BLVRA: variants seen among roughly 807,000 people sequenced by gnomAD.
BLVRA encodes the protein biliverdin reductase A, also known as BVR A.
Under a neutral mutation model 32.8 loss-of-function variants are expected in BLVRA, and 22 were observed. That is an observed-to-expected ratio of 0.67 (90% confidence interval 0.48 to 0.96). The LOEUF (loss-of-function observed/expected upper bound fraction) is 0.96. Ranked by LOEUF, BLVRA falls within the 40% of genes least tolerant of loss-of-function variation. BLVRA has a pLI of 0.00. For missense variants in BLVRA, 323 were observed against 358.1 expected, an observed-to-expected ratio of 0.90 and a Z score of 0.79; for synonymous variants, 119 against 141.3, an observed-to-expected ratio of 0.84 and a Z score of 1.12.
rs1203952720 is a variant in BLVRA, at chr7:43,807,107, C to T, written c.763C>T (p.Gln255Ter). 6.2e-7 allele frequency: 1 copy of T among 1,614,122 alleles called. No homozygotes were observed. Among genetic ancestry groups the T allele is most frequent in the East Asian group, 2.2e-5 (1 of 44,880 alleles). The change falls in exon 8 of 8, where the codon CAA (glutamine) becomes TAA (stop). Residue 255 changes from glutamine to a stop codon, truncating the protein, a stop_gained. Coordinates refer to ENST00000265523, the MANE Select transcript of BLVRA (RefSeq NM_000712.4). LOFTEE classifies it high-confidence loss of function. ...GAATAAGAACATATTTCTGAAAGAT[C>T]AAAATATATTTGTCCAGAAACTCTT... is the stretch of plus-strand genomic sequence containing the variant. ...GVNKNIFLKD[Q>*]NIFVQKLLGQ...
intron 5 of BLVRA, among the ~76,000 whole-genome samples, chr7:43,798,794 C>T (rs2095795541): frequency 6.6e-6 from 1 of 152,218 alleles, no homozygotes; most frequent in African/African-American, 2.4e-5. Context: ...TATATGGATA[C>T]GGATGTGTGT....
intron 3 of BLVRA, among the ~76,000 whole-genome samples, chr7:43,788,350 G>T (rs776926190): frequency 6.6e-6 from 1 of 152,170 alleles, no homozygotes; most frequent in Admixed American, 6.5e-5. Flanking sequence ...GGTGTGCACC[G>T]GGGAATCCTG....
intron 3 of BLVRA, among the ~76,000 whole-genome samples, chr7:43,790,382 G>A (rs866614477): frequency 1.3e-5 from 2 of 151,996 alleles, no homozygotes; most frequent in South Asian, 4.1e-4. Context: ...CATGGAGAAC[G>A]AATTCCTCAC....
chr7:43,774,007 T>G (rs901865837), intron 2 of BLVRA, among the ~76,000 whole-genome samples: 2 of 152,186 alleles, frequency 1.3e-5, no homozygotes, highest in African/African-American at 4.8e-5. Context: ...TCTTGTAAAT[T>G]TGTTTGAGTT....
intron 3 of BLVRA, 136 bp from the exon 4 acceptor site, chr7:43,791,113 T>C: frequency 6.7e-7 from 1 of 1,487,832 alleles, no homozygotes; most frequent in Non-Finnish European, 9.1e-7. Context: ...GAAAATAGCC[T>C]GGAAGTGGGA....
chr7:43,798,197 C>CAAAA (rs56855757), intron 5 of BLVRA, among the ~76,000 whole-genome samples: 869 of 45,180 alleles, frequency 0.019, 94 homozygotes, highest in Middle Eastern at 0.056. Context: ...CCCCATCTCA[C>CAAAA]AAAAAAAAAA....
chr7:43,795,887 C>T (rs1367785595), intron 5 of BLVRA, among the ~76,000 whole-genome samples: 1 of 151,936 alleles, frequency 6.6e-6, no homozygotes, highest in East Asian at 1.9e-4. Flanking sequence ...GGACAGATCA[C>T]AAGGTCAAGA....
chr7:43,783,719 T>G (rs1176440976), intron 2 of BLVRA, among the ~76,000 whole-genome samples: 1 of 152,186 alleles, frequency 6.6e-6, no homozygotes, highest in Non-Finnish European at 1.5e-5. Flanking sequence ...ATTTCCAAGT[T>G]GCTCTCCATA....
At chr7:43,780,017 G>A (rs1279340587) in intron 2 of BLVRA, among the ~76,000 whole-genome samples, 1 of 151,948 alleles carries the variant, frequency 6.6e-6, no homozygotes, top group Non-Finnish European at 1.5e-5. Flanking sequence ...GGGATTACAG[G>A]AGCACCACCA....
rs1328106012 is a variant in BLVRA, at chr7:43,792,715, G to A, written c.255G>A (p.Arg85=). 6.2e-7 allele frequency: 1 copy of A among 1,613,732 alleles called. No individual in the cohort carries two copies. The highest frequency in any genetic ancestry group is 8.5e-7 in the Non-Finnish European group (1 of 1,179,780). ...SESSSHEDYI[R]QFLNAGKHVL... is the part of the protein sequence containing the mutation. ...TCTGTATTTGTCTCGTTTACCAAAG[G>A]CAGTTCCTTAATGCTGGCAAGCACG... Residue 85 remains arginine, a splice_region_variant and synonymous_variant, in exon 5 of 8, where the codon AGG becomes AGA. Transcript: ENST00000265523.
intron 7 of BLVRA, among the ~76,000 whole-genome samples, chr7:43,806,468 G>A (rs2095804126): frequency 6.7e-6 from 1 of 149,792 alleles, no homozygotes; most frequent in Non-Finnish European, 1.5e-5. Context: ...GAGGCCAGGT[G>A]CAGTGGCTCA....
intron 3 of BLVRA, among the ~76,000 whole-genome samples, chr7:43,790,483 G>A (rs140868911): frequency 1.1e-3 from 161 of 151,994 alleles, no homozygotes; most frequent in African/African-American, 3.8e-3. Context: ...ACATGTGTGC[G>A]TACATACTAC....
intron 1 of BLVRA, among the ~76,000 whole-genome samples, chr7:43,765,924 T>G (rs1337130192): frequency 9.9e-5 from 15 of 152,208 alleles, no homozygotes; most frequent in Admixed American, 9.8e-4. Flanking sequence ...GAAATGTAAA[T>G]TTAGAGCCTT....
chr7:43,771,919 C>G (rs1234167701), intron 2 of BLVRA, among the ~76,000 whole-genome samples: 1 of 152,204 alleles, frequency 6.6e-6, no homozygotes, highest in Admixed American at 6.5e-5. Flanking sequence ...CCTCGAAGGT[C>G]CCCCTCACTC....
chr7:43,787,924 G>A lies in BLVRA; in HGVS notation c.33G>A (p.Val11=), dbSNP rs2095779901. The A allele has an allele frequency of 6.2e-7, 1 of 1,614,210 alleles. No individual in the cohort carries two copies. The highest frequency in any genetic ancestry group is 8.5e-7 in the Non-Finnish European group (1 of 1,180,036). The change falls in exon 3 of 8, where the codon GTG becomes GTA. Residue 11 remains valine (V), a synonymous_variant. Coordinates refer to ENST00000265523, the MANE Select transcript of BLVRA (RefSeq NM_000712.4). This position sits in a 1 kb window ranked among gnomAD's most constrained non-coding sequence, Gnocchi z 4.5. MNAEPERKFG[V]VVVGVGRAGS... is the part of the protein sequence containing the mutation. ...TTCAGCCCGAGAGGAAGTTTGGCGT[G>A]GTGGTGGTTGGTGTTGGCCGAGCCG...
intron 1 of BLVRA, among the ~76,000 whole-genome samples, chr7:43,761,386 T>C (rs563577705): frequency 4.6e-5 from 7 of 152,348 alleles, no homozygotes; most frequent in Admixed American, 1.3e-4. Flanking sequence ...TCTGTGATTA[T>C]GAAAATGTGC....
chr7:43,767,466 G>T, intron 1 of BLVRA: 3 of 1,442,342 alleles, frequency 2.1e-6, no homozygotes, highest in Non-Finnish European at 2.9e-6. Flanking sequence ...GGCGCCCTTG[G>T]GATATCCAAT....
chr7:43,798,162 C>T (rs766622244), intron 5 of BLVRA, among the ~76,000 whole-genome samples: 7 of 136,756 alleles, frequency 5.1e-5, no homozygotes, highest in Non-Finnish European at 1.1e-4. Flanking sequence ...CCACTATACT[C>T]CAGCCTGGGT....
At chr7:43,778,382 G>C (rs1279681516) in intron 2 of BLVRA, among the ~76,000 whole-genome samples, 3 of 152,202 alleles carry the variant, frequency 2.0e-5, no homozygotes, top group Non-Finnish European at 4.4e-5. Flanking sequence ...TCAGTTGCAG[G>C]TCTGTTGGAG....
Sources: gnomAD v4.1 joint callset for allele counts (sites outside exome capture counted in the v4.1 genomes callset) on GRCh38, gnomAD v4.1.1 for gene constraint, Gnocchi (gnomAD v3.1) non-coding constraint, MANE v1.5 for transcripts, NCBI Gene and HGNC (gene_info 2026-07-23, HGNC 2026-07-21) for gene names.